Variants in WDR76 observed in about 807,000 individuals in gnomAD.
WDR76 encodes WD repeat domain 76, also known as WD repeat-containing protein 76.
In WDR76, 52 loss-of-function variants were observed where a neutral mutation model predicts 70.2. That is an observed-to-expected ratio of 0.74 (90% CI 0.59 to 0.93). The LOEUF is 0.93. Ranked by LOEUF, WDR76 falls within the 40% of genes least tolerant of loss-of-function variation. WDR76 has a pLI of 0.00. For missense variants in WDR76, 756 were observed against 760.2 expected, an observed-to-expected ratio of 0.99 and a Z score of 0.07; for synonymous variants, 292 against 271.1, an observed-to-expected ratio of 1.08 and a Z score of -0.76.
At chr15:43,834,930 A>C in intron 2 of WDR76, 131 bp from the exon 3 acceptor site, 1 of 767,322 alleles carries the variant, frequency 1.3e-6, no homozygotes. Context: ...TTTTGGTAAG[A>C]TGATGAAATG....
chr15:43,853,644 C>T (rs570973216), intron 9 of WDR76, among the ~76,000 whole-genome samples: 1 of 151,804 alleles, frequency 6.6e-6, no homozygotes, highest in Admixed American at 6.6e-5. Flanking sequence ...GGTGGCTCAC[C>T]CCTGTAATCC....
At chr15:43,836,892 T>C (rs994806517) in intron 4 of WDR76, among the ~76,000 whole-genome samples, 2 of 150,700 alleles carry the variant, frequency 1.3e-5, no homozygotes, top group Non-Finnish European at 3.0e-5. Flanking sequence ...AAATTAAAAA[T>C]TAGCCGGGTG....
intron 9 of WDR76, among the ~76,000 whole-genome samples, chr15:43,853,062 T>C (rs965907049): frequency 6.6e-6 from 1 of 152,162 alleles, no homozygotes; most frequent in Non-Finnish European, 1.5e-5. Flanking sequence ...CTAATTTTTG[T>C]ATTTTTAGTA....
intron 12 of WDR76, among the ~76,000 whole-genome samples, chr15:43,861,832 ATTTT>A (rs898404641): frequency 2.1e-4 from 22 of 104,764 alleles, no homozygotes; most frequent in Admixed American, 1.5e-3. Flanking sequence ...GTATTTGTGT[ATTTT>A]TTTTTTTTTT....
intron 8 of WDR76, among the ~76,000 whole-genome samples, chr15:43,848,616 A>G (rs554878343): frequency 1.3e-5 from 2 of 152,314 alleles, no homozygotes; most frequent in African/African-American, 4.8e-5. Flanking sequence ...CTCCACCGCC[A>G]TACAAGTAGG....
intron 2 of WDR76, among the ~76,000 whole-genome samples, chr15:43,834,021 G>A (rs1395926801): frequency 6.6e-6 from 1 of 152,136 alleles, no homozygotes; most frequent in Non-Finnish European, 1.5e-5. Flanking sequence ...GGACCTCTAA[G>A]ACTGAGTATT....
In WDR76 at chr15:43,832,745, T is replaced by TG. The variant is rs1199573163; in HGVS notation, c.463-2316_463-2315insG. Among the ~76,000 whole-genome samples, 4 of 85,642 alleles carry TG rather than the reference T, an allele frequency of 4.7e-5. No individual in the cohort carries two copies. The East Asian group carries it at 1.3e-3, about 29-fold the overall frequency. 56.2% of individuals were successfully genotyped at this position (85,642 alleles called of 152,430 possible). On this transcript the variant is annotated intron_variant, in intron 2 of 12. Coordinates refer to ENST00000263795, the MANE Select transcript of WDR76 (RefSeq NM_024908.4). ...AGCCATTGCACCCGGCTTGCTTTGT[T>TG]TTTTTTTTTTTTTTTTTTTTTTTTT...
chr15:43,862,788 G>C (rs187981901), intron 12 of WDR76, among the ~76,000 whole-genome samples: 1,907 of 152,198 alleles, frequency 0.013, 21 homozygotes, highest in Non-Finnish European at 0.018. Context: ...GATTACAGGC[G>C]TGAGCCACCA....
intron 11 of WDR76, 130 bp downstream of exon 11, chr15:43,858,953 T>A: frequency 8.3e-7 from 1 of 1,210,482 alleles, no homozygotes; most frequent in Non-Finnish European, 1.1e-6. Context: ...TAGTCATATG[T>A]AGGTTCCTAA....
At chr15:43,864,464 A>T (rs1689293961) in intron 12 of WDR76, among the ~76,000 whole-genome samples, 1 of 151,916 alleles carries the variant, frequency 6.6e-6, no homozygotes, top group Non-Finnish European at 1.5e-5. Flanking sequence ...ATGTAAGGTG[A>T]TATCTCATTG....
chr15:43,833,954 T>A (rs985732803), intron 2 of WDR76, among the ~76,000 whole-genome samples: 1 of 152,184 alleles, frequency 6.6e-6, no homozygotes, highest in African/African-American at 2.4e-5. Flanking sequence ...TATTATTTTT[T>A]AATAATTGAT....
In WDR76 at chr15:43,843,979, G is replaced by A; in HGVS notation, c.957G>A (p.Met319Ile). ...YKVTTGPIFS[M>I]ALHPSETRTL... Reference sequence around the variant, plus strand: ...TTACCACAGGCCCAATATTCTCTATGGCTCTCCATCCATCAGAAACTAGAA... The same window carrying A: ...TTACCACAGGCCCAATATTCTCTATAGCTCTCCATCCATCAGAAACTAGAA... Residue 319 changes from methionine to isoleucine, a missense_variant, in exon 8 of 13, where the codon ATG becomes ATA. Transcript: ENST00000263795. The A allele has an allele frequency of 6.2e-7, 1 of 1,613,942 alleles. No individual in the cohort carries two copies. Among genetic ancestry groups the A allele is most frequent in the Non-Finnish European group, 8.5e-7 (1 of 1,179,914 alleles).
intron 4 of WDR76, among the ~76,000 whole-genome samples, chr15:43,838,532 A>AT (rs1424372437): frequency 6.6e-6 from 1 of 152,130 alleles, no homozygotes; most frequent in Admixed American, 6.6e-5. Context: ...TAAACACTAT[A>AT]TTGTTTAGCT....
chr15:43,836,843 C>A (rs1196778359), intron 4 of WDR76, among the ~76,000 whole-genome samples: 1 of 149,238 alleles, frequency 6.7e-6, no homozygotes, highest in East Asian at 1.9e-4. Context: ...CTGGCCTGAC[C>A]AACATGGAGA....
At position 43,834,467 on chromosome 15, in the gene WDR76, A is replaced by AT. The variant is rs34962536; in HGVS notation, c.463-578dup. On this transcript the variant is annotated intron_variant, in intron 2 of 12. Transcript: ENST00000263795. ...AGGCTCCTGCCACTATACCTGGCTA[A>AT]TTTTTTTTTTTTTTTTGTATTTTTA... Among the ~76,000 whole-genome samples the AT allele has an allele frequency of 7.1e-4, 97 of 137,100 alleles. 1 individual carries two copies. The highest frequency in any genetic ancestry group is 3.7e-3 in the Middle Eastern group (1 of 270). The allele number at this position is 137,100 out of a possible 152,430, so 89.9% of individuals were successfully genotyped here.
intron 4 of WDR76, among the ~76,000 whole-genome samples, chr15:43,839,306 T>G (rs2087693732): frequency 6.6e-6 from 1 of 152,202 alleles, no homozygotes; most frequent in Non-Finnish European, 1.5e-5. Context: ...TGTTTTTGCT[T>G]TTTATAACCA....
At chr15:43,848,561 T>C (rs1200057347) in intron 8 of WDR76, among the ~76,000 whole-genome samples, 1 of 152,212 alleles carries the variant, frequency 6.6e-6, no homozygotes, top group African/African-American at 2.4e-5. Flanking sequence ...GTAGAACTGA[T>C]TGTCTTCAAA....
At chr15:43,831,687 G>C (rs1203694975) in intron 2 of WDR76, among the ~76,000 whole-genome samples, 1 of 151,826 alleles carries the variant, frequency 6.6e-6, no homozygotes, top group African/African-American at 2.4e-5. Flanking sequence ...TGATCTGCCT[G>C]CCTCAGCCTC....
intron 8 of WDR76, among the ~76,000 whole-genome samples, chr15:43,844,844 C>T (rs528243962): frequency 3.3e-5 from 4 of 120,536 alleles, no homozygotes; most frequent in African/African-American, 6.3e-5. Flanking sequence ...AGGAGAATGG[C>T]GTGAACCTGG....
Sources: gnomAD v4.1 joint callset for allele counts (sites outside exome capture counted in the v4.1 genomes callset) on GRCh38, gnomAD v4.1.1 for gene constraint, MANE v1.5 for transcripts, NCBI Gene and HGNC (gene_info 2026-07-23, HGNC 2026-07-21) for gene names.